Variants in LINGO3 observed in about 807,000 individuals in gnomAD.
The protein encoded by LINGO3 is leucine rich repeat and Ig domain containing 3.
For synonymous variants in LINGO3, 427 were observed against 444.2 expected (o/e 0.96, Z 0.49); for missense variants, 750 against 867.7 (o/e 0.86, Z 1.70).
chr19:2,297,972 T>C, the LINGO3 span, among the ~76,000 whole-genome samples: 1 of 151,764 alleles, frequency 6.6e-6, no homozygotes, highest in Non-Finnish European at 1.5e-5. Context: ...CTGGGAGGCC[T>C]TTGCCTTCCA....
the LINGO3 span, among the ~76,000 whole-genome samples, chr19:2,299,925 G>A: frequency 0.11 from 17,229 of 149,846 alleles, 1,246 homozygotes; most frequent in East Asian, 0.21. Flanking sequence ...GGGTTTCACC[G>A]TGTTAGCCAG....
downstream of LINGO3, chr19:2,289,742 A>ACCCCCCC: frequency 7.2e-6 from 1 of 139,274 alleles, no homozygotes; most frequent in Non-Finnish European, 1.4e-5. Context: ...TGCAGCCCGC[A>ACCCCCCC]CCCCCACCCC....
chr19:2,294,909 G>A (rs893054842), upstream of LINGO3, among the ~76,000 whole-genome samples: 10 of 152,020 alleles, frequency 6.6e-5, no homozygotes, highest in Middle Eastern at 3.2e-3. This position sits in a 1 kb window ranked among gnomAD's most constrained non-coding sequence, Gnocchi z 4.3. Flanking sequence ...CCAGCCGGCC[G>A]GCTATTTTTG....
Position 2,290,931 on chromosome 19 carries a change from G to A in LINGO3, c.846C>T (p.Ile282=), listed in dbSNP as rs1191998627. ...GGAACGACCCCCGCGGCACCGTGCT[G>A]ATGGGGTTGTGCGACAGATTGAGGC... Residue 282 remains isoleucine, a synonymous_variant, in exon 1 of 1, where the codon ATC becomes ATT. Transcript: ENST00000585527. The surrounding 1 kb of genome is among the most constrained non-coding windows in gnomAD (Gnocchi z 6.0). 1 of 1,611,842 alleles carries A rather than the reference G, an allele frequency of 6.2e-7. No individual in the cohort carries two copies. Among genetic ancestry groups the A allele is most frequent in the Non-Finnish European group, 8.5e-7 (1 of 1,179,526 alleles).
chr19:2,292,690 A>G (rs1353181704), upstream of LINGO3, among the ~76,000 whole-genome samples: 1 of 151,742 alleles, frequency 6.6e-6, no homozygotes. Flanking sequence ...GGGTTTTACC[A>G]TATTGGCCAG....
upstream of LINGO3, among the ~76,000 whole-genome samples, chr19:2,292,399 CAA>C (rs1156254881): frequency 0.091 from 3,880 of 42,516 alleles, 82 homozygotes; most frequent in Admixed American, 0.12. Flanking sequence ...AACCCTGTCT[CAA>C]AAAAAAAAAA....
exon 1 of LINGO3, chr19:2,289,863 G>A (rs1424145580): frequency 5.8e-6 from 4 of 690,664 alleles, no homozygotes; most frequent in Non-Finnish European, 9.6e-6. Context: ...GCGGTTGGGC[G>A]TCTACAAAAA....
chr19:2,304,086 G>T, the LINGO3 span, among the ~76,000 whole-genome samples: 1 of 152,336 alleles, frequency 6.6e-6, no homozygotes, highest in Admixed American at 6.5e-5. Context: ...AGAGTCCTAG[G>T]CCCTGGTTTG....
chr19:2,289,829 C>T lies in LINGO3; in HGVS notation c.*169G>A, dbSNP rs1377028729. 7 of 569,078 alleles carry T rather than the reference C, an allele frequency of 1.2e-5. No homozygotes were observed. In the East Asian group the frequency reaches 1.9e-4, roughly 15 times the overall value. The allele number at this position is 569,078 out of a possible 1,614,324, so 35.3% of individuals were successfully genotyped here. A position where few individuals can be genotyped will look rare whatever the true frequency, so the allele number is the denominator to read the frequency against. On this transcript the variant is annotated 3_prime_UTR_variant, in exon 1 of 1. Transcript: ENST00000585527. ...AACGCTTGAGAAACTGCAAAAAAGA[C>T]GCATGCTGATGAAAAACAGTCCTGC...
At chr19:2,294,745 G>A (rs2025558009), upstream of LINGO3, among the ~76,000 whole-genome samples, 1 of 152,024 alleles carries the variant, frequency 6.6e-6, no homozygotes. This position sits in a 1 kb window ranked among gnomAD's most constrained non-coding sequence, Gnocchi z 4.3. Context: ...GTCTCTCCTG[G>A]GAGCCTGCTG....
downstream of LINGO3, among the ~76,000 whole-genome samples, chr19:2,289,433 GTGAT>G (rs1180328597): frequency 6.6e-6 from 1 of 152,172 alleles, no homozygotes; most frequent in Admixed American, 6.5e-5. Flanking sequence ...TTGCACCTGT[GTGAT>G]TGGGTTCCAG....
At chr19:2,299,969 G>C in the LINGO3 span, among the ~76,000 whole-genome samples, 5 of 146,136 alleles carry the variant, frequency 3.4e-5, no homozygotes, top group Admixed American at 1.4e-4. Context: ...GTGATCCACC[G>C]GCCTCGGCCT....
chr19:2,301,253 T>C, the LINGO3 span, among the ~76,000 whole-genome samples: 1 of 151,740 alleles, frequency 6.6e-6, no homozygotes, highest in Admixed American at 6.6e-5. Flanking sequence ...AGGGGACAGA[T>C]TTAGTGTTTT....
downstream of LINGO3, among the ~76,000 whole-genome samples, chr19:2,288,471 G>C (rs1459468292): frequency 6.6e-6 from 1 of 152,220 alleles, no homozygotes; most frequent in Admixed American, 6.5e-5. This position sits in a 1 kb window ranked among gnomAD's most constrained non-coding sequence, Gnocchi z 6.5. Context: ...TGTGTACCTA[G>C]GGGCAAAAGT....
chr19:2,290,304 G>A lies in LINGO3; in HGVS notation c.1473C>T (p.Tyr491=). ...CGGGGCGCACGGTCAGCGTGGCGAA[G>A]TAGGTGTCGTTGCCGCCCGCGTTGC... The change falls in exon 1 of 1, where the codon TAC becomes TAT. Residue 491 remains tyrosine, a synonymous_variant. Transcript: ENST00000585527. The surrounding 1 kb of genome is among the most constrained non-coding windows in gnomAD (Gnocchi z 6.0). 6.4e-7 allele frequency: 1 copy of A among 1,573,424 alleles called. No individual in the cohort carries two copies.
At chr19:2,306,039 C>T in the LINGO3 span, among the ~76,000 whole-genome samples, 1 of 152,256 alleles carries the variant, frequency 6.6e-6, no homozygotes, top group Non-Finnish European at 1.5e-5. Flanking sequence ...CTTTCCTTCC[C>T]AGCCTGTACA....
chr19:2,300,250 T>G, the LINGO3 span, among the ~76,000 whole-genome samples: 89 of 151,986 alleles, frequency 5.9e-4, 1 homozygote, highest in African/African-American at 2.0e-3. Context: ...CAGGCTGGTC[T>G]CGAACTCCTG....
the LINGO3 span, among the ~76,000 whole-genome samples, chr19:2,308,012 T>G: frequency 6.6e-6 from 1 of 150,756 alleles, no homozygotes; most frequent in Non-Finnish European, 1.5e-5. Context: ...GGTCGCAGGG[T>G]GCAGGTGAGG....
the LINGO3 span, among the ~76,000 whole-genome samples, chr19:2,302,997 G>A: frequency 1.3e-5 from 2 of 152,240 alleles, no homozygotes; most frequent in African/African-American, 2.4e-5. Flanking sequence ...GCCTGTGCAC[G>A]GCGCATCCAC....
Sources: gnomAD v4.1 joint callset for allele counts (sites outside exome capture counted in the v4.1 genomes callset) on GRCh38, gnomAD v4.1.1 for gene constraint, Gnocchi (gnomAD v3.1) non-coding constraint, MANE v1.5 for transcripts, NCBI Gene and HGNC (gene_info 2026-07-23, HGNC 2026-07-21) for gene names.